KCTD16: variants seen among roughly 807,000 people sequenced by gnomAD.
KCTD16 encodes potassium channel tetramerization domain containing 16.
Under a neutral mutation model 33.2 loss-of-function variants are expected in KCTD16, and 13 were observed. That is an observed-to-expected ratio of 0.39 (90% CI 0.25 to 0.62). KCTD16 has a LOEUF of 0.62. Ranked by LOEUF, KCTD16 falls within the 20% of genes least tolerant of loss-of-function variation. KCTD16 has a pLI of 0.50. For synonymous variants in KCTD16, 197 were observed against 195.3 expected, an observed-to-expected ratio of 1.01 and a Z score of -0.07; for missense variants, 441 against 525.1, an observed-to-expected ratio of 0.84 and a Z score of 1.57.
At chr5:144,369,161 C>T (rs143909484) in intron 3 of KCTD16, among the ~76,000 whole-genome samples, 2 of 152,164 alleles carry the variant, frequency 1.3e-5, no homozygotes, top group East Asian at 1.9e-4. Flanking sequence ...CCCATAGGAC[C>T]GATTTAGCCT....
intron 2 of KCTD16, among the ~76,000 whole-genome samples, chr5:144,200,635 G>A (rs1158419094): frequency 6.6e-6 from 1 of 152,218 alleles, no homozygotes; most frequent in Non-Finnish European, 1.5e-5. Flanking sequence ...GGCCATCTGA[G>A]GTTAAATGGT....
chr5:144,425,169 C>T (rs573616469), intron 3 of KCTD16, among the ~76,000 whole-genome samples: 161 of 152,274 alleles, frequency 1.1e-3, no homozygotes, highest in African/African-American at 3.7e-3. Context: ...GGCATTCACA[C>T]TCTCCAAAAG....
intron 3 of KCTD16, among the ~76,000 whole-genome samples, chr5:144,302,081 A>C (rs1042681027): frequency 1.3e-5 from 2 of 152,204 alleles, no homozygotes; most frequent in African/African-American, 4.8e-5. Flanking sequence ...ATTGTGGTGA[A>C]GATAGTTTAA....
chr5:144,421,024 C>T (rs1330234435), intron 3 of KCTD16, among the ~76,000 whole-genome samples: 1 of 152,180 alleles, frequency 6.6e-6, no homozygotes, highest in Non-Finnish European at 1.5e-5. Flanking sequence ...CTTTCTGCTC[C>T]TTCTCTACCT....
chr5:144,257,495 C>CTT (rs200355726), intron 3 of KCTD16, among the ~76,000 whole-genome samples: 2 of 146,140 alleles, frequency 1.4e-5, no homozygotes, highest in Admixed American at 6.9e-5. Flanking sequence ...GTCATAGTTT[C>CTT]TTTTTTTTTT....
chr5:144,416,832 GATTT>G (rs1379331521), intron 3 of KCTD16, among the ~76,000 whole-genome samples: 5 of 151,998 alleles, frequency 3.3e-5, no homozygotes, highest in African/African-American at 7.3e-5. Flanking sequence ...TGTCTTTGTG[GATTT>G]ATTTTGGATA....
intron 3 of KCTD16, among the ~76,000 whole-genome samples, chr5:144,417,181 T>C (rs1753075649): frequency 6.6e-6 from 1 of 152,176 alleles, no homozygotes. Context: ...ACCAAATTGT[T>C]TTCTGGAGTG....
intron 2 of KCTD16, among the ~76,000 whole-genome samples, chr5:144,190,282 G>T: frequency 6.6e-6 from 1 of 152,194 alleles, no homozygotes; most frequent in South Asian, 2.1e-4. Context: ...GGTTAAGAGT[G>T]CAGGCTTTGG....
At chr5:144,450,307 G>T (rs1753911908) in intron 3 of KCTD16, among the ~76,000 whole-genome samples, 1 of 152,010 alleles carries the variant, frequency 6.6e-6, no homozygotes, top group Non-Finnish European at 1.5e-5. Flanking sequence ...ATAAGTATTG[G>T]CAAGGATGTG....
At chr5:144,397,324 T>G (rs1752595930) in intron 3 of KCTD16, among the ~76,000 whole-genome samples, 1 of 152,104 alleles carries the variant, frequency 6.6e-6, no homozygotes, top group Non-Finnish European at 1.5e-5. Context: ...AGTCTATCAT[T>G]GTTGGACATT....
At chr5:144,270,942 A>C (rs948613136) in intron 3 of KCTD16, among the ~76,000 whole-genome samples, 2 of 151,974 alleles carry the variant, frequency 1.3e-5, no homozygotes, top group Non-Finnish European at 2.9e-5. Flanking sequence ...AATTTGTAGA[A>C]ACACAAAACT....
At chr5:144,393,092 T>C (rs1752486933) in intron 3 of KCTD16, among the ~76,000 whole-genome samples, 1 of 152,234 alleles carries the variant, frequency 6.6e-6, no homozygotes, top group Non-Finnish European at 1.5e-5. Flanking sequence ...AATGATAGTA[T>C]AATTTTTAAC....
chr5:144,404,492 T>C (rs1297917043), intron 3 of KCTD16, among the ~76,000 whole-genome samples: 2 of 152,180 alleles, frequency 1.3e-5, no homozygotes, highest in African/African-American at 4.8e-5. Flanking sequence ...ATGGAAAATA[T>C]CCCTCAATCA....
intron 3 of KCTD16, among the ~76,000 whole-genome samples, chr5:144,328,428 C>A (rs901060895): frequency 6.6e-6 from 1 of 152,132 alleles, no homozygotes; most frequent in Non-Finnish European, 1.5e-5. Context: ...TCGGAGTAGG[C>A]CTTCCCCTGA....
intron 3 of KCTD16, among the ~76,000 whole-genome samples, chr5:144,447,556 T>G (rs965123128): frequency 1.3e-5 from 2 of 151,382 alleles, no homozygotes; most frequent in Non-Finnish European, 2.9e-5. Context: ...GGAAGTATAA[T>G]TTAAAAAAAG....
At chr5:144,202,343 G>A (rs571862810) in intron 2 of KCTD16, among the ~76,000 whole-genome samples, 16 of 152,300 alleles carry the variant, frequency 1.1e-4, no homozygotes, top group East Asian at 1.9e-4. Flanking sequence ...CGGGCTTACC[G>A]ACAACTTCCC....
chr5:144,378,740 A>G (rs1191637860), intron 3 of KCTD16, among the ~76,000 whole-genome samples: 3 of 152,206 alleles, frequency 2.0e-5, no homozygotes, highest in Non-Finnish European at 4.4e-5. Context: ...TCAAGGCAAC[A>G]GAATAGACTT....
At chr5:144,354,666 T>C (rs1751531630) in intron 3 of KCTD16, among the ~76,000 whole-genome samples, 1 of 152,240 alleles carries the variant, frequency 6.6e-6, no homozygotes, top group Non-Finnish European at 1.5e-5. Context: ...AATACATTTA[T>C]TGAATAAATG....
chr5:144,195,077 T>A (rs1752916658), intron 2 of KCTD16, among the ~76,000 whole-genome samples: 1 of 152,146 alleles, frequency 6.6e-6, no homozygotes. Context: ...CCCCAGACCC[T>A]CAGGATATCC....
Sources: gnomAD v4.1 joint callset for allele counts (sites outside exome capture counted in the v4.1 genomes callset) on GRCh38, gnomAD v4.1.1 for gene constraint, MANE v1.5 for transcripts, NCBI Gene and HGNC (gene_info 2026-07-23, HGNC 2026-07-21) for gene names.